PRKAR1A: variants seen among roughly 807,000 people sequenced by gnomAD.
PRKAR1A encodes cAMP-dependent protein kinase type I-alpha regulatory subunit.
Under a neutral mutation model 52.0 loss-of-function variants are expected in PRKAR1A, and 3 were observed. The ratio of observed to expected loss-of-function variants is 0.06; its 90% CI spans 0.03 to 0.15. PRKAR1A has a LOEUF of 0.15. PRKAR1A is among the 10% of genes least tolerant of loss of function. PRKAR1A has a pLI of 1.00. For missense variants in PRKAR1A, 240 were observed against 477.4 expected, an observed-to-expected ratio of 0.50 and a Z score of 4.63; for synonymous variants, 188 against 168.4, an observed-to-expected ratio of 1.12 and a Z score of -0.90.
downstream of PRKAR1A, chr17:68,535,921 A>AT (rs1184164738): frequency 6.6e-6 from 3 of 454,020 alleles, no homozygotes; most frequent in Non-Finnish European, 8.8e-6. Context: ...AAATTGTGTG[A>AT]TTTTGCTTAC....
At chr17:68,550,416 T>C (rs1482835343) in intron 11 of PRKAR1A, among the ~76,000 whole-genome samples, 3 of 134,174 alleles carry the variant, frequency 2.2e-5, no homozygotes, top group African/African-American at 8.2e-5. Flanking sequence ...AGTCTCCCTC[T>C]GTTGCCCAGG....
the PRKAR1A span, among the ~76,000 whole-genome samples, chr17:68,497,241 C>A: frequency 6.6e-6 from 1 of 152,174 alleles, no homozygotes; most frequent in Non-Finnish European, 1.5e-5. Flanking sequence ...CACAGCCATG[C>A]CCATTCATTT....
chr17:68,543,678 T>G, intron 11 of PRKAR1A: 1 of 1,614,062 alleles, frequency 6.2e-7, no homozygotes, highest in Non-Finnish European at 8.5e-7. Flanking sequence ...TGAAAGTCAA[T>G]GAAGTAGAAG....
At chr17:68,541,801 C>G (rs1215817439) in intron 11 of PRKAR1A, 1 of 668,700 alleles carries the variant, frequency 1.5e-6, no homozygotes, top group Non-Finnish European at 2.5e-6. Context: ...TTCTTTAGAA[C>G]TGAATAAATG....
chr17:68,429,021 A>C, the PRKAR1A span: 2 of 995,082 alleles, frequency 2.0e-6, no homozygotes, highest in Non-Finnish European at 3.1e-6. Context: ...CCCTCACCCT[A>C]GCTGTCACCA....
intron 11 of PRKAR1A, among the ~76,000 whole-genome samples, chr17:68,550,486 T>C (rs1165355880): frequency 6.7e-6 from 1 of 149,526 alleles, no homozygotes; most frequent in African/African-American, 2.5e-5. Flanking sequence ...GTTCAGGAGA[T>C]TCTTCTGCCT....
the PRKAR1A span, among the ~76,000 whole-genome samples, chr17:68,488,762 G>A: frequency 9.6e-4 from 142 of 148,158 alleles, no homozygotes; most frequent in Admixed American, 5.1e-3. Flanking sequence ...AAAAGAGCCA[G>A]CGTGGGCTTC....
intron 5 of PRKAR1A, 89 bp from the exon 6 acceptor site, chr17:68,524,823 C>T: frequency 9.5e-7 from 1 of 1,055,372 alleles, no homozygotes; most frequent in Non-Finnish European, 1.5e-6. Flanking sequence ...CACAGTACCA[C>T]TGTAAAATAA....
chr17:68,482,608 C>G, the PRKAR1A span, among the ~76,000 whole-genome samples: 1 of 152,110 alleles, frequency 6.6e-6, no homozygotes, highest in South Asian at 2.1e-4. Context: ...GGCAATAACC[C>G]TAGACACCGG....
chr17:68,453,239 A>G, the PRKAR1A span, among the ~76,000 whole-genome samples: 1 of 152,190 alleles, frequency 6.6e-6, no homozygotes, highest in East Asian at 1.9e-4. Flanking sequence ...ATGAAACTGC[A>G]TGAGCTCTGT....
chr17:68,443,361 C>T, the PRKAR1A span, among the ~76,000 whole-genome samples: 1 of 152,200 alleles, frequency 6.6e-6, no homozygotes, highest in African/African-American at 2.4e-5. Context: ...GATCCACCCG[C>T]CTCGGCCTCC....
At chr17:68,534,166 A>T (rs370032690), downstream of PRKAR1A, among the ~76,000 whole-genome samples, 4 of 152,242 alleles carry the variant, frequency 2.6e-5, no homozygotes, top group Non-Finnish European at 1.5e-5. Context: ...GTTTCTTGAC[A>T]TAAGTTCAGA....
At chr17:68,487,810 A>G in the PRKAR1A span, among the ~76,000 whole-genome samples, 1 of 152,088 alleles carries the variant, frequency 6.6e-6, no homozygotes, top group Non-Finnish European at 1.5e-5. Context: ...AGACAAAAAA[A>G]AAAAAGAAAA....
the PRKAR1A span, among the ~76,000 whole-genome samples, chr17:68,505,682 G>A: frequency 5.3e-5 from 8 of 152,216 alleles, no homozygotes; most frequent in African/African-American, 1.9e-4. Context: ...GCGTGGTGGT[G>A]TATGCCGGTA....
the PRKAR1A span, among the ~76,000 whole-genome samples, chr17:68,483,341 C>T: frequency 5.3e-5 from 8 of 151,902 alleles, no homozygotes; most frequent in Non-Finnish European, 1.2e-4. Flanking sequence ...ATAAGCTGGG[C>T]ATGGTGGCCA....
At chr17:68,451,075 G>A in the PRKAR1A span, among the ~76,000 whole-genome samples, 1 of 152,200 alleles carries the variant, frequency 6.6e-6, no homozygotes, top group Non-Finnish European at 1.5e-5. Context: ...ACCCTGCCAG[G>A]TGGCTTTTTA....
rs1206688715 is a variant in PRKAR1A, at chr17:68,522,904, A to G, written c.326A>G (p.Asp109Gly). 6.2e-7 allele frequency: 1 copy of G among 1,613,918 alleles called. No homozygotes were observed. Among genetic ancestry groups the G allele is most frequent in the Admixed American group, 1.7e-5 (1 of 60,022 alleles). The stretch of plus-strand genomic sequence containing the variant: ...AGCGCTGAGGTCTACACGGAGGAAG[A>G]TGCGGCATCCTATGTTAGAAAGGTA... ...AISAEVYTEE[D>G]AASYVRKVIP... The change falls in exon 3 of 11, where the codon GAT (aspartate) becomes GGT (glycine). Residue 109 changes from aspartate (D) to glycine (G), a missense_variant. Physicochemically the swap from Asp to Gly is moderately conservative, Grantham distance 94 (BLOSUM62 -1). Around this residue, in one of 4 missense-constraint regions of PRKAR1A, gnomAD observed 107 missense variants for 290.9 expected, o/e 0.37. Transcript: ENST00000589228.
chr17:68,546,542 A>G (rs2086574066), intron 11 of PRKAR1A, among the ~76,000 whole-genome samples: 1 of 152,154 alleles, frequency 6.6e-6, no homozygotes, highest in East Asian at 1.9e-4. Context: ...CTTAAATTGT[A>G]AGACTTGGCT....
chr17:68,438,381 T>C, the PRKAR1A span, among the ~76,000 whole-genome samples: 1 of 152,200 alleles, frequency 6.6e-6, no homozygotes, highest in African/African-American at 2.4e-5. Flanking sequence ...CAAATGAAAT[T>C]TCAAGAACAG....
Sources: gnomAD v4.1 joint callset for allele counts (sites outside exome capture counted in the v4.1 genomes callset) on GRCh38, gnomAD v4.1.1 for gene constraint, gnomAD v4.1.1 regional missense constraint, MANE v1.5 for transcripts, NCBI Gene and HGNC (gene_info 2026-07-23, HGNC 2026-07-21) for gene names.